Variants in SDC2 observed in about 807,000 individuals in gnomAD.
SDC2 encodes the protein syndecan-2.
In SDC2, 13 loss-of-function variants were observed where a neutral mutation model predicts 22.2. The ratio of observed to expected loss-of-function variants is 0.59; its 90% CI spans 0.38 to 0.93. The LOEUF (loss-of-function observed/expected upper bound fraction) is 0.93. Among genes scored for constraint, SDC2 ranks in the 40% least tolerant of loss-of-function variants. SDC2 has a pLI of 0.00. For synonymous variants in SDC2, 94 were observed against 92.8 expected (o/e 1.01, Z -0.07); for missense variants, 235 against 246.8 (o/e 0.95, Z 0.32).
chr8:96,510,761 G>A (rs751129808), intron 1 of SDC2, among the ~76,000 whole-genome samples: 2 of 152,142 alleles, frequency 1.3e-5, no homozygotes, highest in African/African-American at 4.8e-5. Context: ...AATATCTAGA[G>A]TAAAATTCAA....
intron 1 of SDC2, among the ~76,000 whole-genome samples, chr8:96,536,186 G>A (rs1415594107): frequency 6.6e-6 from 1 of 151,508 alleles, no homozygotes; most frequent in Non-Finnish European, 1.5e-5. Flanking sequence ...TTTCTCCCAA[G>A]GGACAGAAGT....
At chr8:96,518,826 G>C (rs974306639) in intron 1 of SDC2, among the ~76,000 whole-genome samples, 2 of 152,182 alleles carry the variant, frequency 1.3e-5, no homozygotes, top group African/African-American at 4.8e-5. Context: ...CACCTCCTAA[G>C]CTGTTAGTTT....
intron 3 of SDC2, among the ~76,000 whole-genome samples, chr8:96,607,692 G>A (rs746241483): frequency 7.9e-5 from 12 of 152,276 alleles, no homozygotes; most frequent in Middle Eastern, 3.4e-3. Context: ...GAGACCCAGT[G>A]AGTGTCGTTC....
chr8:96,585,174 A>T (rs545376192), intron 1 of SDC2, among the ~76,000 whole-genome samples: 1 of 152,298 alleles, frequency 6.6e-6, no homozygotes, highest in East Asian at 1.9e-4. Context: ...AAACGTATTG[A>T]TGGGATTTTG....
At chr8:96,534,396 T>G (rs902900120) in intron 1 of SDC2, among the ~76,000 whole-genome samples, 3 of 152,204 alleles carry the variant, frequency 2.0e-5, no homozygotes, top group African/African-American at 7.2e-5. Flanking sequence ...GGCAATTTCT[T>G]GTGGTGGCAC....
chr8:96,593,380 T>C, intron 1 of SDC2, 100 bp from the exon 2 acceptor site: 2 of 711,400 alleles, frequency 2.8e-6, no homozygotes, highest in Non-Finnish European at 4.8e-6. Context: ...ACTGTGGGAG[T>C]GGGAGGGGTA....
intron 1 of SDC2, among the ~76,000 whole-genome samples, chr8:96,549,237 T>A (rs900926094): frequency 6.6e-6 from 1 of 152,254 alleles, no homozygotes; most frequent in Admixed American, 6.5e-5. Flanking sequence ...CTTTCTCCTT[T>A]GCATTTTTTT....
chr8:96,535,284 G>T (rs1813736858), intron 1 of SDC2, among the ~76,000 whole-genome samples: 1 of 152,196 alleles, frequency 6.6e-6, no homozygotes, highest in African/African-American at 2.4e-5. Context: ...CGGGATTACA[G>T]GTGTGAGCCA....
intron 1 of SDC2, among the ~76,000 whole-genome samples, chr8:96,502,811 C>T (rs1233235805): frequency 6.6e-6 from 1 of 152,144 alleles, no homozygotes; most frequent in East Asian, 1.9e-4. Flanking sequence ...ATGTGAGACA[C>T]AATAAGTAGG....
intron 1 of SDC2, among the ~76,000 whole-genome samples, chr8:96,531,681 A>C (rs536881383): frequency 9.8e-5 from 15 of 152,358 alleles, no homozygotes; most frequent in African/African-American, 3.4e-4. Context: ...CTTTGCCATC[A>C]ACTATTTAAA....
chr8:96,580,163 G>C (rs1364782113), intron 1 of SDC2, among the ~76,000 whole-genome samples: 1 of 152,218 alleles, frequency 6.6e-6, no homozygotes, highest in East Asian at 1.9e-4. Flanking sequence ...CGGTGGGCCA[G>C]GGCAGCGAGG....
chr8:96,546,903 G>C (rs904226956), intron 1 of SDC2, among the ~76,000 whole-genome samples: 1 of 152,240 alleles, frequency 6.6e-6, no homozygotes, highest in African/African-American at 2.4e-5. Flanking sequence ...GGCTAAACAA[G>C]CCTTTTGTCT....
rs781602913 is a variant in SDC2 at position 96,566,549 on chromosome 8, ACT to A, written c.61-26927_61-26926del. Among the ~76,000 whole-genome samples, 15 of 152,188 alleles carry A rather than the reference ACT, an allele frequency of 9.9e-5. No homozygotes were observed. The East Asian group carries it at 2.5e-3, about 25-fold the overall frequency. ...CATGTCTAAAGAGGATCTTATCATA[ACT>A]CTCATACTTATTAGTTTTATGTGAA... On this transcript the variant is annotated intron_variant, in intron 1 of 4. Transcript: ENST00000302190.
chr8:96,513,848 G>A (rs767229324), intron 1 of SDC2, among the ~76,000 whole-genome samples: 3 of 152,140 alleles, frequency 2.0e-5, no homozygotes, highest in Non-Finnish European at 4.4e-5. Context: ...CCCATACCTG[G>A]AGCTAAGCTG....
chr8:96,573,374 A>G (rs1323298676), intron 1 of SDC2, among the ~76,000 whole-genome samples: 1 of 3,476 alleles, frequency 2.9e-4, no homozygotes, highest in African/African-American at 7.4e-4. Flanking sequence ...CTGTGCTTAC[A>G]CTTCATGTGT....
At chr8:96,504,308 A>C (rs558328946) in intron 1 of SDC2, among the ~76,000 whole-genome samples, 3 of 152,212 alleles carry the variant, frequency 2.0e-5, no homozygotes, top group African/African-American at 7.2e-5. Flanking sequence ...TGACAACCCA[A>C]TAAAGGATGG....
intron 1 of SDC2, among the ~76,000 whole-genome samples, chr8:96,565,453 T>C (rs1814285160): frequency 6.6e-6 from 1 of 151,942 alleles, no homozygotes; most frequent in Non-Finnish European, 1.5e-5. Flanking sequence ...TACATCTTCA[T>C]TTTTTTTCCT....
chr8:96,550,309 T>C (rs941186735), intron 1 of SDC2, among the ~76,000 whole-genome samples: 1 of 152,164 alleles, frequency 6.6e-6, no homozygotes, highest in Non-Finnish European at 1.5e-5. Context: ...CGGGAGCATT[T>C]TGGGTCTTGG....
At chr8:96,606,364 T>G (rs1367832034) in intron 3 of SDC2, among the ~76,000 whole-genome samples, 1 of 152,202 alleles carries the variant, frequency 6.6e-6, no homozygotes, top group Non-Finnish European at 1.5e-5. Context: ...CCTTTAGCCT[T>G]TAAACCTCAA....
Sources: allele counts gnomAD v4.1 joint callset (sites outside exome capture counted in the v4.1 genomes callset), GRCh38; gene constraint gnomAD v4.1.1; transcripts MANE v1.5; gene names NCBI Gene and HGNC (gene_info 2026-07-23, HGNC 2026-07-21).